TUB: variants seen among roughly 807,000 people sequenced by gnomAD.
TUB encodes the protein TUB bipartite transcription factor.
In TUB, 33 loss-of-function variants were observed where a neutral mutation model predicts 59.7. That is an observed-to-expected ratio of 0.55 (90% CI 0.42 to 0.74). TUB has a LOEUF of 0.74. Among genes scored for constraint, TUB ranks in the 30% least tolerant of loss-of-function variants. TUB has a pLI of 0.00. For missense variants in TUB, 659 were observed against 672.0 expected (o/e 0.98, Z 0.21); for synonymous variants, 293 against 256.4 (o/e 1.14, Z -1.36).
In TUB at chr11:8,038,956, G is replaced by A; in HGVS notation, c.83G>A (p.Trp28Ter). 4 of 1,614,006 alleles carry A rather than the reference G, an allele frequency of 2.5e-6. No homozygotes were observed. The highest frequency in any genetic ancestry group is 3.4e-6 in the Non-Finnish European group (4 of 1,179,986). Residue 28 changes from tryptophan (W) to a stop codon, truncating the protein, a stop_gained, in exon 1 of 13, where the codon TGG becomes TAG. Coordinates refer to the TUB transcript ENST00000305253. LOFTEE classifies it high-confidence loss of function. Reference sequence around the variant, plus strand: ...ATTTTGTTCCCAGGAGGCACTCCCTGGCCCATGGGATCTCAGCATTCAAAG... The same window carrying A: ...ATTTTGTTCCCAGGAGGCACTCCCTAGCCCATGGGATCTCAGCATTCAAAG...
chr11:8,038,655 G>A (rs1299153216), exon 1 of TUB: 2 of 1,339,134 alleles, frequency 1.5e-6, no homozygotes, highest in Admixed American at 6.6e-5. Flanking sequence ...GTCTGGTCCT[G>A]AAGGGTTTGG....
chr11:8,023,849 C>T (rs551288327), intron 1 of TUB, among the ~76,000 whole-genome samples: 1 of 152,306 alleles, frequency 6.6e-6, no homozygotes, highest in Non-Finnish European at 1.5e-5. Flanking sequence ...ACCCCATTAA[C>T]CATTTTGTCT....
At chr11:8,056,337 G>C (rs1943021239) in intron 2 of TUB, among the ~76,000 whole-genome samples, 1 of 152,186 alleles carries the variant, frequency 6.6e-6, no homozygotes, top group South Asian at 2.1e-4. Flanking sequence ...AATGCCTTGA[G>C]TGTGTGAGGG....
At chr11:8,084,463 T>G (rs145922482) in intron 1 of TUB, among the ~76,000 whole-genome samples, 4 of 152,350 alleles carry the variant, frequency 2.6e-5, no homozygotes, top group Admixed American at 1.3e-4. Context: ...CTTAGTACAT[T>G]TACAGCCTTT....
chr11:8,100,673 T>C, intron 10 of TUB, 72 bp downstream of exon 10: 4 of 1,547,866 alleles, frequency 2.6e-6, no homozygotes, highest in Non-Finnish European at 3.6e-6. Flanking sequence ...AGGGCAGAAC[T>C]CCAGCTGATG....
At chr11:8,026,839 C>G (rs535876405) in intron 1 of TUB, among the ~76,000 whole-genome samples, 2 of 152,238 alleles carry the variant, frequency 1.3e-5, no homozygotes, top group Non-Finnish European at 2.9e-5. Flanking sequence ...CTTTATAGAT[C>G]AATTTGGGGA....
Position 8,098,832 on chromosome 11 carries a change from T to G in TUB, c.1073T>G (p.Leu358Trp). 1 of 1,614,130 alleles carries G rather than the reference T, an allele frequency of 6.2e-7. No homozygotes were observed. Among genetic ancestry groups the G allele is most frequent in the Non-Finnish European group, 8.5e-7 (1 of 1,180,026 alleles). ...CCTCAGAAGGCCTCATCCTCCACTT[T>G]GGAAAGTGGAACCTTACGTCAGGAG... The part of the protein sequence containing the change: ...VNPQKASSST[L>W]ESGTLRQELA... Residue 358 changes from leucine (L) to tryptophan (W), a missense_variant, in exon 9 of 12, where the codon TTG (leucine) becomes TGG (tryptophan). This residue lies in a region of TUB where 226 missense variants were observed against 210.8 expected (regional missense o/e 1.07). Transcript: ENST00000299506.
At chr11:8,096,631 G>T in intron 5 of TUB, 54 bp from the exon 6 acceptor site, 2 of 1,204,214 alleles carry the variant, frequency 1.7e-6, no homozygotes, top group Non-Finnish European at 2.5e-6. Context: ...GTGTATTTCA[G>T]GGGCAGCGTA....
At chr11:8,095,916 T>C (rs1403033585) in intron 5 of TUB, among the ~76,000 whole-genome samples, 4 of 152,198 alleles carry the variant, frequency 2.6e-5, no homozygotes, top group Admixed American at 2.6e-4. Flanking sequence ...TTGCAAGAAG[T>C]TTCCCATATG....
intron 2 of TUB, chr11:8,067,429 G>A (rs1482081578): frequency 2.6e-5 from 4 of 152,158 alleles, no homozygotes; most frequent in Non-Finnish European, 4.4e-5. Context: ...CCAGGCTGTC[G>A]TAAAGATTAA....
intron 11 of TUB, among the ~76,000 whole-genome samples, 169 bp downstream of exon 11, chr11:8,101,166 G>C (rs1247597344): frequency 1.3e-5 from 2 of 152,164 alleles, no homozygotes; most frequent in African/African-American, 4.8e-5. Flanking sequence ...GGAGGTCCTG[G>C]AAGAACCTTC....
intron 1 of TUB, chr11:8,039,542 A>G: frequency 1.0e-6 from 1 of 1,002,552 alleles, no homozygotes; most frequent in South Asian, 2.4e-5. Flanking sequence ...AGACCAGGGC[A>G]CTGAAGGAGG....
intron 4 of TUB, among the ~76,000 whole-genome samples, 157 bp from the exon 5 acceptor site, chr11:8,095,341 G>A (rs1478402051): frequency 1.3e-5 from 2 of 152,210 alleles, no homozygotes; most frequent in East Asian, 1.9e-4. Flanking sequence ...GTTGTTAACA[G>A]GCTGGTGCAA....
chr11:8,033,529 G>A (rs1250349678), intron 1 of TUB, among the ~76,000 whole-genome samples: 1 of 152,214 alleles, frequency 6.6e-6, no homozygotes, highest in African/African-American at 2.4e-5. Context: ...CTGTAGTTCA[G>A]GACATATTGA....
intron 1 of TUB, 63 bp downstream of exon 1, chr11:8,081,611 T>C: frequency 6.9e-7 from 1 of 1,444,630 alleles, no homozygotes; most frequent in Non-Finnish European, 9.1e-7. Context: ...TGGCTGGGGA[T>C]ACGCGGCCGG....
At chr11:8,098,220 T>G (rs183189111) in intron 8 of TUB, among the ~76,000 whole-genome samples, 1 of 145,438 alleles carries the variant, frequency 6.9e-6, no homozygotes, top group Non-Finnish European at 1.5e-5. Context: ...GGGGCAGTGG[T>G]GAAGGGGCAG....
chr11:8,079,765 G>A (rs1172432073), upstream of TUB, among the ~76,000 whole-genome samples: 1 of 149,336 alleles, frequency 6.7e-6, no homozygotes, highest in Non-Finnish European at 1.5e-5. Flanking sequence ...GAGGCTGAGG[G>A]TAAGTGCTGT....
intron 3 of TUB, among the ~76,000 whole-genome samples, chr11:8,090,947 C>G (rs978084588): frequency 1.6e-4 from 24 of 152,128 alleles, no homozygotes; most frequent in Non-Finnish European, 2.5e-4. Context: ...AGGACTCAGA[C>G]TCAGTCTCCA....
chr11:8,090,085 A>G lies in TUB; in HGVS notation c.107A>G (p.Gln36Arg). The change falls in exon 3 of 12, where the codon CAG becomes CGG. Residue 36 changes from glutamine to arginine, a missense_variant. Transcript: ENST00000299506. The part of the protein sequence containing the change: ...KLDRQRALLE[Q>R]KQKKKRQEPL... ...CCTCCATAGCGGGCCCTGCTGGAGC[A>G]GAAGCAGAAGAAGAAGCGCCAGGAG... The G allele has an allele frequency of 1.2e-6, 2 of 1,609,780 alleles. No homozygotes were observed. Among genetic ancestry groups the G allele is most frequent in the Non-Finnish European group, 1.7e-6 (2 of 1,178,156 alleles).
Sources: allele counts gnomAD v4.1 joint callset (sites outside exome capture counted in the v4.1 genomes callset), GRCh38; gene constraint gnomAD v4.1.1; regional missense constraint gnomAD v4.1.1; transcripts MANE v1.5; gene names NCBI Gene and HGNC (gene_info 2026-07-23, HGNC 2026-07-21).